The following ZNF142 variants were observed in gnomAD, a reference collection of about 807,000 sequenced individuals.
The protein encoded by ZNF142 is zinc finger protein 142.
Under a neutral mutation model 132.1 loss-of-function variants are expected in ZNF142, and 96 were observed. That is an observed-to-expected ratio of 0.73 (90% confidence interval 0.62 to 0.86). The LOEUF (loss-of-function observed/expected upper bound fraction) is 0.86, where lower values mean the gene tolerates loss of function less well. Ranked by LOEUF, ZNF142 falls within the 40% of genes least tolerant of loss-of-function variation. The probability of loss-of-function intolerance (pLI) is 0.00; values close to 1 mark genes in which losing one functional copy is unlikely to be tolerated. For missense variants in ZNF142, 2,163 were observed against 2,336.2 expected (o/e 0.93, Z 1.53); for synonymous variants, 842 against 890.1 (o/e 0.95, Z 0.96).
At chr2:218,651,430 A>C (rs965322764) in intron 5 of ZNF142, among the ~76,000 whole-genome samples, 1 of 152,248 alleles carries the variant, frequency 6.6e-6, no homozygotes, top group Non-Finnish European at 1.5e-5. Context: ...GAAATGGATC[A>C]TTAGAGAATA....
At chr2:218,646,847 A>G (rs1313927500) in intron 7 of ZNF142, among the ~76,000 whole-genome samples, 1 of 152,070 alleles carries the variant, frequency 6.6e-6, no homozygotes. Context: ...TTGGCCTCCT[A>G]AAGTGTTGGG....
At chr2:218,647,219 C>T (rs1230665040) in intron 7 of ZNF142, among the ~76,000 whole-genome samples, 5 of 151,546 alleles carry the variant, frequency 3.3e-5, no homozygotes, top group Admixed American at 6.6e-5. Context: ...GTCAGGAGAT[C>T]GAGACCATCC....
rs775175402 is a variant in ZNF142, at chr2:218,636,234, C to T, written c.*2105G>A. 3 of 1,613,158 alleles carry T rather than the reference C, an allele frequency of 1.9e-6. No homozygotes were observed. In the East Asian group the frequency reaches 6.7e-5, roughly 36 times the overall value. ...ATGTCTTCTTATTTCTTTCTGTCCA[C>T]CAACTCAGGTTTTAATCCATACTGG... On this transcript the variant is annotated 3_prime_UTR_variant, in exon 11 of 11. Transcript: ENST00000411696.
In ZNF142 at chr2:218,642,428, A is replaced by G; in HGVS notation, c.4688T>C (p.Phe1563Ser). 6.2e-7 allele frequency: 1 copy of G among 1,613,070 alleles called. No homozygotes were observed. The highest frequency in any genetic ancestry group is 8.5e-7 in the Non-Finnish European group (1 of 1,179,926). The change falls in exon 9 of 11, where the codon TTC becomes TCC. Residue 1563 changes from phenylalanine (F) to serine (S), a missense_variant. Physicochemically the swap from Phe to Ser is radical, Grantham distance 155 (BLOSUM62 -2). This residue lies in a region of ZNF142 where 809 missense variants were observed against 801.7 expected (regional missense o/e 1.01). Coordinates refer to ENST00000411696, the MANE Select transcript of ZNF142 (RefSeq NM_001379659.1). This position sits in a 1 kb window ranked among gnomAD's most constrained non-coding sequence, Gnocchi z 4.6. ...RLECGACQEA[F>S]PSRLALDEHR... is the part of the protein sequence containing the mutation. The stretch of plus-strand genomic sequence containing the variant: ...CTCATCCAGAGCCAGTCGGCTAGGG[A>G]AGGCCTCCTGGCAGGCCCCACACTC...
intron 5 of ZNF142, among the ~76,000 whole-genome samples, chr2:218,650,942 A>G (rs1937924623): frequency 6.6e-6 from 1 of 151,346 alleles, no homozygotes; most frequent in African/African-American, 2.4e-5. Context: ...GACAACTACT[A>G]AAACGCCGTC....
intron 8 of ZNF142, among the ~76,000 whole-genome samples, chr2:218,645,440 G>C (rs373673073): frequency 4.6e-5 from 7 of 152,294 alleles, no homozygotes; most frequent in Non-Finnish European, 8.8e-5. Context: ...GCAGGTTTCT[G>C]TGCCTCATTT....
At position 218,652,012 on chromosome 2, in the gene ZNF142, G is replaced by C. The variant is rs2106258058; in HGVS notation, c.569C>G (p.Pro190Arg). The C allele has an allele frequency of 1.7e-6, 1 of 590,392 alleles. No individual in the cohort carries two copies. The highest frequency in any genetic ancestry group is 2.9e-6 in the Non-Finnish European group (1 of 349,404). The allele number at this position is 590,392 out of a possible 1,614,324, so 36.6% of individuals were successfully genotyped here. Residue 190 changes from proline to arginine, a missense_variant, in exon 5 of 11, where the codon CCT becomes CGT. Physicochemically the swap from Pro to Arg is moderately radical, Grantham distance 103. Around this residue, in one of 7 missense-constraint regions of ZNF142, gnomAD observed 195 missense variants for 172.4 expected, o/e 1.13. Coordinates refer to ENST00000411696, the MANE Select transcript of ZNF142 (RefSeq NM_001379659.1). ...AGATTCTGGGCAGGAGAAGGTGTCA[G>C]GAGTGCCCCGGTGAATCTTGAAGTG... Reference protein sequence around the residue: ...KSHFKIHRGTPDTFSCPESGC... With the variant: ...KSHFKIHRGTRDTFSCPESGC...
chr2:218,641,097 G>C (rs1697145567), intron 9 of ZNF142, among the ~76,000 whole-genome samples: 1 of 151,940 alleles, frequency 6.6e-6, no homozygotes, highest in Non-Finnish European at 1.5e-5. Flanking sequence ...ACAATGTCCA[G>C]CTAATTAAAA....
Position 218,634,101 on chromosome 2 carries a change from A to G in ZNF142, c.*4238T>C. Reference sequence around the variant, plus strand: ...TCCATCTCCCTCTCTATACCCTTTTACAGGCAATGAGTTTGTGCAGCACAA... The same window carrying G: ...TCCATCTCCCTCTCTATACCCTTTTGCAGGCAATGAGTTTGTGCAGCACAA... On this transcript the variant is annotated 3_prime_UTR_variant, in exon 11 of 11. Coordinates refer to ENST00000411696, the MANE Select transcript of ZNF142 (RefSeq NM_001379659.1). The surrounding 1 kb of genome is among the most constrained non-coding windows in gnomAD (Gnocchi z 4.0). The G allele has an allele frequency of 6.2e-7, 1 of 1,605,870 alleles. No homozygotes were observed. The highest frequency in any genetic ancestry group is 8.5e-7 in the Non-Finnish European group (1 of 1,176,106).
At chr2:218,658,548 A>C (rs1355144201) in intron 3 of ZNF142, among the ~76,000 whole-genome samples, 153 bp downstream of exon 3, 1 of 152,000 alleles carries the variant, frequency 6.6e-6, no homozygotes, top group Non-Finnish European at 1.5e-5. Context: ...TCTCAAAAAA[A>C]AAACAAACAA....
At position 218,636,263 on chromosome 2, in the gene ZNF142, C is replaced by T; in HGVS notation, c.*2076G>A. ...CTCAGGTTTTAATCCATACTGGGGG[C>T]AGACACTATGTTTCCGGGTGCTGGT... On this transcript the variant is annotated 3_prime_UTR_variant, in exon 11 of 11. Transcript: ENST00000411696. The T allele has an allele frequency of 6.2e-7, 1 of 1,614,016 alleles. No individual in the cohort carries two copies.
Position 218,644,521 on chromosome 2 carries a change from A to G in ZNF142, c.2595T>C (p.Thr865=), listed in dbSNP as rs984069877. 10 of 1,613,888 alleles carry G rather than the reference A, an allele frequency of 6.2e-6. No homozygotes were observed. The highest frequency in any genetic ancestry group is 6.8e-6 in the Non-Finnish European group (8 of 1,179,994). The part of the protein sequence containing the change: ...ALPEMSEEVN[T]GRQEGSEAPH... ...GAGCCTCACTGCCCTCCTGTCTTCC[A>G]GTGTTGACCTCCTCACTCATCTCTG... Residue 865 remains threonine (T), a synonymous_variant, in exon 9 of 11, where the codon ACT becomes ACC. Transcript: ENST00000411696. This position sits in a 1 kb window ranked among gnomAD's most constrained non-coding sequence, Gnocchi z 4.6.
In ZNF142 at chr2:218,642,435, C is replaced by T. The variant is rs373949424; in HGVS notation, c.4681G>A (p.Glu1561Lys). The T allele has an allele frequency of 6.8e-6, 11 of 1,612,724 alleles. No individual in the cohort carries two copies. Among genetic ancestry groups the T allele is most frequent in the African/African-American group, 5.3e-5 (4 of 74,944 alleles). ...AGAGCCAGTCGGCTAGGGAAGGCCT[C>T]CTGGCAGGCCCCACACTCAAGCCGT... ...HPRLECGACQEAFPSRLALDE... is the reference protein window; with the variant it reads ...HPRLECGACQKAFPSRLALDE... Residue 1561 changes from glutamate to lysine, a missense_variant, in exon 9 of 11, where the codon GAG (glutamate) becomes AAG (lysine). Around this residue, in one of 7 missense-constraint regions of ZNF142, gnomAD observed 809 missense variants for 801.7 expected, o/e 1.01. Coordinates refer to ENST00000411696, the MANE Select transcript of ZNF142 (RefSeq NM_001379659.1). The surrounding 1 kb of genome is among the most constrained non-coding windows in gnomAD (Gnocchi z 4.6).
At position 218,656,157 on chromosome 2, in the gene ZNF142, C is replaced by A. The variant is rs1363560344; in HGVS notation, c.273G>T (p.Glu91Asp). 1.3e-6 allele frequency: 2 copies of A among 1,571,590 alleles called. No homozygotes were observed. Among genetic ancestry groups the A allele is most frequent in the Admixed American group, 1.8e-5 (1 of 56,074 alleles). Residue 91 changes from glutamate to aspartate, a missense_variant, in exon 4 of 11, where the codon GAG (glutamate) becomes GAT (aspartate). By Grantham distance (45) the Glu-to-Asp change is conservative. Around this residue, in one of 7 missense-constraint regions of ZNF142, gnomAD observed 195 missense variants for 172.4 expected, o/e 1.13. Transcript: ENST00000411696. Reference protein sequence around the residue: ...AGTLTPGAPGETPGVLVKVVE... With the variant: ...AGTLTPGAPGDTPGVLVKVVE... Reference sequence around the variant, plus strand: ...TTGCAACTGTGTTTGTACCTGGGGTCTCTCCAGGAGCACCTGGGGTCAGGG... The same window carrying A: ...TTGCAACTGTGTTTGTACCTGGGGTATCTCCAGGAGCACCTGGGGTCAGGG...
Position 218,642,789 on chromosome 2 carries a change from G to A in ZNF142, c.4327C>T (p.Leu1443=), listed in dbSNP as rs1375952024. The A allele has an allele frequency of 2.5e-6, 4 of 1,614,108 alleles. No individual in the cohort carries two copies. The highest frequency in any genetic ancestry group is 1.3e-5 in the African/African-American group (1 of 74,946). ...CPQTFGTNSK[L]RLHRLRVHDK... ...TGTACCCTTAACCGGTGCAAGCGCA[G>A]TTTCGAGTTGGTACCAAACGTCTGG... The change falls in exon 9 of 11, where the codon CTG becomes TTG. Residue 1443 remains leucine, a synonymous_variant. Coordinates refer to ENST00000411696, the MANE Select transcript of ZNF142 (RefSeq NM_001379659.1). The surrounding 1 kb of genome is among the most constrained non-coding windows in gnomAD (Gnocchi z 4.6).
In ZNF142 at chr2:218,636,638, G is replaced by A. The variant is rs746689145; in HGVS notation, c.*1701C>T. 96 of 1,513,800 alleles carry A rather than the reference G, an allele frequency of 6.3e-5. No homozygotes were observed. Among genetic ancestry groups the A allele is most frequent in the Non-Finnish European group, 8.3e-5 (91 of 1,101,342 alleles). The allele number at this position is 1,513,800 out of a possible 1,614,324, so 93.8% of individuals were successfully genotyped here. A position where few individuals can be genotyped will look rare whatever the true frequency, so the allele number is the denominator to read the frequency against. ...TTTAGACGGGGAGAAACATCTGGAA[G>A]GATGCTCGAGAGAACAAATGGAGGT... On this transcript the variant is annotated 3_prime_UTR_variant, in exon 11 of 11. Coordinates refer to ENST00000411696, the MANE Select transcript of ZNF142 (RefSeq NM_001379659.1).
chr2:218,643,335 T>A lies in ZNF142; in HGVS notation c.3781A>T (p.Thr1261Ser), dbSNP rs753066975. ...GGRGGGGKRG[T>S]PQTQPDVSPL... ...GACACATCAGGCTGGGTCTGGGGGGTCCCTCGTTTTCCTCCCCCGCCACGT... is the reference window on the plus strand; with the variant it reads ...GACACATCAGGCTGGGTCTGGGGGGACCCTCGTTTTCCTCCCCCGCCACGT... The change falls in exon 9 of 11, where the codon ACC (threonine) becomes TCC (serine). Residue 1261 changes from threonine to serine, a missense_variant. Coordinates refer to ENST00000411696, the MANE Select transcript of ZNF142 (RefSeq NM_001379659.1). 2 of 1,613,248 alleles carry A rather than the reference T, an allele frequency of 1.2e-6. No individual in the cohort carries two copies. Among genetic ancestry groups the A allele is most frequent in the East Asian group, 2.2e-5 (1 of 44,834 alleles).
Position 218,648,706 on chromosome 2 carries a change from T to C in ZNF142, c.1802A>G (p.His601Arg). ...VGKMHAHEKI[H>R]QCPECNFATA... The stretch of plus-strand genomic sequence containing the variant: ...GGCAAAGTTGCACTCAGGACACTGG[T>C]GGATCTTTTCATGAGCATGCATCTT... Residue 601 changes from histidine to arginine, a missense_variant, in exon 7 of 11, where the codon CAC becomes CGC. His to Arg is a conservative substitution (Grantham distance 29). Around this residue, in one of 7 missense-constraint regions of ZNF142, gnomAD observed 749 missense variants for 830.3 expected, o/e 0.90. Transcript: ENST00000411696. The C allele has an allele frequency of 1.9e-6, 3 of 1,614,206 alleles. No individual in the cohort carries two copies. Among genetic ancestry groups the C allele is most frequent in the Non-Finnish European group, 2.5e-6 (3 of 1,180,026 alleles).
At position 218,642,325 on chromosome 2, in the gene ZNF142, C is replaced by T. The variant is rs1478047973; in HGVS notation, c.4791G>A (p.Lys1597=). The T allele has an allele frequency of 1.2e-6, 2 of 1,613,950 alleles. No homozygotes were observed. The highest frequency in any genetic ancestry group is 1.1e-5 in the South Asian group (1 of 91,084). The stretch of plus-strand genomic sequence containing the variant: ...TCTCCTCATGCTGTTCCAGGTAGTG[C>T]TTTACCAGGCCCACCCGCTCCCGGG... ...FAARERVGLV[K]HYLEQHEETS... Residue 1597 remains lysine, a synonymous_variant, in exon 9 of 11, where the codon AAG becomes AAA. Coordinates refer to ENST00000411696, the MANE Select transcript of ZNF142 (RefSeq NM_001379659.1). The surrounding 1 kb of genome is among the most constrained non-coding windows in gnomAD (Gnocchi z 4.6).
Sources: gnomAD v4.1 joint callset for allele counts (sites outside exome capture counted in the v4.1 genomes callset) on GRCh38, gnomAD v4.1.1 for gene constraint, gnomAD v4.1.1 regional missense constraint, Gnocchi (gnomAD v3.1) non-coding constraint, MANE v1.5 for transcripts, NCBI Gene and HGNC (gene_info 2026-07-23, HGNC 2026-07-21) for gene names.